TEX11: variants seen among roughly 807,000 people sequenced by gnomAD.
TEX11 encodes the protein testis-expressed protein 11.
TEX11 carries 7 observed loss-of-function variants against 84.4 expected under a neutral mutation model. The ratio of observed to expected loss-of-function variants is 0.08; its 90% confidence interval spans 0.05 to 0.16. The LOEUF (loss-of-function observed/expected upper bound fraction) is 0.16. TEX11 is among the 10% of genes least tolerant of loss of function. TEX11 has a pLI of 1.00. For missense variants in TEX11, 551 were observed against 660.5 expected, an observed-to-expected ratio of 0.83 and a Z score of 1.82; for synonymous variants, 264 against 222.8, an observed-to-expected ratio of 1.18 and a Z score of -1.64.
intron 9 of TEX11, among the ~76,000 whole-genome samples, chrX:70,806,322 G>A (rs977487645): frequency 9.0e-6 from 1 of 111,162 alleles, no homozygotes; most frequent in African/African-American, 3.3e-5. Flanking sequence ...CACGCATGCT[G>A]GCACATGCCT....
intron 5 of TEX11, among the ~76,000 whole-genome samples, chrX:70,859,580 CAAAAAAAAA>C (rs760041212): frequency 2.9e-4 from 10 of 35,040 alleles, no homozygotes; most frequent in African/African-American, 5.3e-4. Flanking sequence ...AGATCCTGTC[CAAAAAAAAA>C]AAAAAAAAAA....
At chrX:70,607,135 T>C (rs2089204159) in intron 22 of TEX11, 106 bp from the exon 23 acceptor site, 1 of 540,930 alleles carries the variant, frequency 1.8e-6, no homozygotes, top group Non-Finnish European at 2.8e-6. Flanking sequence ...ATTAACATAC[T>C]AGTAAGGGGT....
intron 7 of TEX11, among the ~76,000 whole-genome samples, chrX:70,835,810 G>A (rs2091401947): frequency 9.0e-6 from 1 of 111,638 alleles, no homozygotes; most frequent in African/African-American, 3.3e-5. Flanking sequence ...TACATTTGGG[G>A]CAATCAAAAC....
chrX:70,590,315 T>C (rs1271041077), intron 25 of TEX11, among the ~76,000 whole-genome samples: 1 of 111,853 alleles, frequency 8.9e-6, no homozygotes, highest in Non-Finnish European at 1.9e-5. Flanking sequence ...TATAATTTGA[T>C]ACTCAAACTG....
chrX:70,596,361 TTCTC>T (rs1206477616), intron 24 of TEX11, among the ~76,000 whole-genome samples: 1 of 111,746 alleles, frequency 8.9e-6, no homozygotes, highest in Non-Finnish European at 1.9e-5. Context: ...GCATGGCACT[TTCTC>T]TAGGATAGCT....
intron 9 of TEX11, among the ~76,000 whole-genome samples, chrX:70,764,647 C>T (rs6625672): frequency 0.4 from 44,078 of 110,295 alleles, 7,280 homozygotes; most frequent in East Asian, 0.55. Flanking sequence ...AGAGGAGACA[C>T]AACTGATACC....
At chrX:70,637,524 A>G (rs949181325) in intron 17 of TEX11, among the ~76,000 whole-genome samples, 16 of 112,547 alleles carry the variant, frequency 1.4e-4, no homozygotes, top group African/African-American at 4.5e-4. Flanking sequence ...ATGCCCATCA[A>G]TGATAGACTG....
At chrX:70,880,214 G>A (rs980139782) in intron 2 of TEX11, 105 bp from the exon 3 acceptor site, 13 of 519,678 alleles carry the variant, frequency 2.5e-5, no homozygotes, top group Non-Finnish European at 3.7e-5. Context: ...AATGAATACA[G>A]CATGAAGGAA....
intron 25 of TEX11, among the ~76,000 whole-genome samples, chrX:70,579,493 T>A (rs1603096261): frequency 1.3e-5 from 1 of 79,471 alleles, no homozygotes; most frequent in African/African-American, 4.7e-5. Flanking sequence ...CAAGACTCCG[T>A]CTCAAAAACA....
At chrX:70,881,812 G>T (rs1446093861) in intron 2 of TEX11, among the ~76,000 whole-genome samples, 1 of 109,978 alleles carries the variant, frequency 9.1e-6, no homozygotes, top group Non-Finnish European at 1.9e-5. Flanking sequence ...AAATTAAAAA[G>T]TATTTAAAAT....
At chrX:70,745,815 G>A (rs922013674) in intron 9 of TEX11, among the ~76,000 whole-genome samples, 3 of 111,993 alleles carry the variant, frequency 2.7e-5, no homozygotes, top group Non-Finnish European at 5.6e-5. Flanking sequence ...TGCTAACAAA[G>A]ATATAATGCT....
intron 13 of TEX11, among the ~76,000 whole-genome samples, chrX:70,706,635 GC>G (rs2090379694): frequency 1.8e-5 from 2 of 110,769 alleles, no homozygotes; most frequent in Non-Finnish European, 3.8e-5. Context: ...ATAATTTTGA[GC>G]TTATCTTCCC....
At chrX:70,699,987 T>C (rs771004719) in intron 13 of TEX11, among the ~76,000 whole-genome samples, 10 of 112,027 alleles carry the variant, frequency 8.9e-5, no homozygotes, top group Non-Finnish European at 1.5e-4. Flanking sequence ...TTTCCTCCTA[T>C]AGTTAAATCT....
intron 5 of TEX11, chrX:70,857,018 G>A (rs2091540302): frequency 9.0e-6 from 1 of 111,445 alleles, no homozygotes; most frequent in Admixed American, 9.6e-5. Context: ...TTTATCAGGT[G>A]TGGTAAAGTG....
At chrX:70,566,719 T>C (rs1474789820) in intron 25 of TEX11, among the ~76,000 whole-genome samples, 1 of 111,862 alleles carries the variant, frequency 8.9e-6, no homozygotes, top group Non-Finnish European at 1.9e-5. Context: ...TTGATTTGCA[T>C]ATATTGAACC....
At chrX:70,615,133 G>A (rs2089304109) in intron 20 of TEX11, among the ~76,000 whole-genome samples, 1 of 110,865 alleles carries the variant, frequency 9.0e-6, no homozygotes, top group African/African-American at 3.3e-5. Context: ...TCAGTGCCCA[G>A]ATACTGATGA....
chrX:70,585,231 A>G (rs1468904593), intron 25 of TEX11, among the ~76,000 whole-genome samples: 1 of 112,281 alleles, frequency 8.9e-6, no homozygotes, highest in Non-Finnish European at 1.9e-5. Flanking sequence ...TACATCAGCA[A>G]TGAACAATCT....
At chrX:70,864,015 G>A (rs749575972) in intron 4 of TEX11, among the ~76,000 whole-genome samples, 12 of 111,775 alleles carry the variant, frequency 1.1e-4, no homozygotes, top group African/African-American at 3.6e-4. Flanking sequence ...GAAATAAGGC[G>A]TGAAGACAAG....
At chrX:70,805,614 T>C (rs1227608389) in intron 9 of TEX11, among the ~76,000 whole-genome samples, 1 of 111,493 alleles carries the variant, frequency 9.0e-6, no homozygotes. Flanking sequence ...TTGGCCAGGC[T>C]GGTCTTGAAC....
Sources: gnomAD v4.1 joint callset for allele counts (sites outside exome capture counted in the v4.1 genomes callset) on GRCh38, gnomAD v4.1.1 for gene constraint, MANE v1.5 for transcripts, NCBI Gene and HGNC (gene_info 2026-07-23, HGNC 2026-07-21) for gene names.